Variants in LEPR observed in about 807,000 individuals in gnomAD.
LEPR encodes the protein OB receptor.
A neutral mutation model predicts 114.7 loss-of-function variants in LEPR; 56 were observed. The observed-to-expected ratio is 0.49, with a 90% CI of 0.39 to 0.61. The LOEUF (loss-of-function observed/expected upper bound fraction) is 0.61, where lower values mean the gene tolerates loss of function less well. Ranked by LOEUF, LEPR falls within the 20% of genes least tolerant of loss-of-function variation. LEPR has a pLI of 0.00. For missense variants in LEPR, 1,202 were observed against 1,352.9 expected, an observed-to-expected ratio of 0.89 and a Z score of 1.75; for synonymous variants, 443 against 461.4, an observed-to-expected ratio of 0.96 and a Z score of 0.51.
At chr1:65,607,677 C>T (rs1258709175) in intron 11 of LEPR, among the ~76,000 whole-genome samples, 4 of 152,284 alleles carry the variant, frequency 2.6e-5, no homozygotes, top group Non-Finnish European at 1.5e-5. Flanking sequence ...GCTTCAGAGA[C>T]GCACTGTTAT....
At chr1:65,620,607 C>T (rs1344510867) in intron 17 of LEPR, among the ~76,000 whole-genome samples, 1 of 152,060 alleles carries the variant, frequency 6.6e-6, no homozygotes, top group Non-Finnish European at 1.5e-5. Context: ...TAGTTGATAG[C>T]CAGAAATGGT....
At chr1:65,458,031 G>C (rs575305649) in intron 2 of LEPR, among the ~76,000 whole-genome samples, 1 of 152,306 alleles carries the variant, frequency 6.6e-6, no homozygotes, top group African/African-American at 2.4e-5. Context: ...TACATGGCAA[G>C]CAATTTGAAA....
At chr1:65,614,538 T>C (rs1015931177) in intron 14 of LEPR, among the ~76,000 whole-genome samples, 15 of 152,080 alleles carry the variant, frequency 9.9e-5, no homozygotes, top group Non-Finnish European at 1.5e-4. Flanking sequence ...GTTGATACAG[T>C]TCTCACAGGG....
In LEPR at chr1:65,570,919, T is replaced by G; in HGVS notation, c.370+117T>G. The G allele has an allele frequency of 4.7e-6, 4 of 857,274 alleles. No individual in the cohort carries two copies. The East Asian group carries it at 9.0e-5, about 19-fold the overall frequency. 53.1% of individuals were successfully genotyped at this position (857,274 alleles called of 1,614,324 possible). ...ACATACATAATCATTTTTATATGGA[T>G]AATAAAATTAGGATTCATTATGTGA... On this transcript the variant is annotated intron_variant, in intron 4 of 19. Coordinates refer to ENST00000349533, the MANE Select transcript of LEPR (RefSeq NM_002303.6).
intron 2 of LEPR, among the ~76,000 whole-genome samples, chr1:65,470,230 CT>C (rs1193667966): frequency 6.6e-6 from 1 of 152,178 alleles, no homozygotes; most frequent in Non-Finnish European, 1.5e-5. Context: ...CCAAGAGGGG[CT>C]GAAATAACTA....
intron 5 of LEPR, 69 bp from the exon 6 acceptor site, chr1:65,592,588 T>A (rs1655781750): frequency 9.0e-6 from 14 of 1,548,302 alleles, no homozygotes; most frequent in Admixed American, 1.7e-5. Context: ...GTATTTAGTA[T>A]CCTGCTTTAA....
chr1:65,488,287 CCTCTCT>C (rs144052026), intron 2 of LEPR, among the ~76,000 whole-genome samples: 1 of 126,606 alleles, frequency 7.9e-6, no homozygotes, highest in African/African-American at 3.2e-5. Context: ...TCTTTCCCTC[CCTCTCT>C]CTCTCTCTCT....
chr1:65,455,564 G>A (rs1392946973), intron 2 of LEPR, among the ~76,000 whole-genome samples: 2 of 152,070 alleles, frequency 1.3e-5, no homozygotes, highest in Admixed American at 6.6e-5. Context: ...GTCTGCCCCT[G>A]CTGGGGGGTG....
chr1:65,564,136 G>A (rs1256744864), intron 2 of LEPR, among the ~76,000 whole-genome samples: 3 of 147,894 alleles, frequency 2.0e-5, no homozygotes, highest in East Asian at 1.9e-4. Flanking sequence ...GCAATGGTGG[G>A]CGCCCCTCCC....
At chr1:65,518,921 C>CTT (rs931542711) in intron 2 of LEPR, among the ~76,000 whole-genome samples, 15 of 97,208 alleles carry the variant, frequency 1.5e-4, no homozygotes, top group African/African-American at 6.2e-4. Context: ...TTCTTTCTCT[C>CTT]TTTCTCTGTT....
intron 5 of LEPR, among the ~76,000 whole-genome samples, chr1:65,581,356 C>A (rs960826987): frequency 2.6e-5 from 4 of 152,180 alleles, no homozygotes; most frequent in African/African-American, 7.2e-5. Context: ...GCCTGAGTAA[C>A]CCTCTCTTCT....
chr1:65,547,888 A>G (rs1379540640), intron 2 of LEPR, among the ~76,000 whole-genome samples: 1 of 134,252 alleles, frequency 7.4e-6, no homozygotes. Flanking sequence ...TAGTTCTTTT[A>G]ATTGTGATGT....
At position 65,592,879 on chromosome 1, in the gene LEPR, TA is replaced by T. The variant is rs750570312; in HGVS notation, c.703+18del. The T allele has an allele frequency of 4.3e-6, 7 of 1,611,890 alleles. No homozygotes were observed. In the African/African-American group the frequency reaches 8.0e-5, roughly 18 times the overall value. On this transcript the variant is annotated intron_variant, in intron 6 of 19. Transcript: ENST00000349533. ...CCATAAATATGGGTAAGTTATGCAC[TA>T]AAATGATGATAATAGGTCTAAACAT...
At position 65,617,513 on chromosome 1, in the gene LEPR, C is replaced by T. The variant is rs569631124; in HGVS notation, c.2213-451C>T. On this transcript the variant is annotated intron_variant, in intron 15 of 19. Transcript: ENST00000349533. Reference sequence around the variant, plus strand: ...GGAAATCATGGAAGGCAGAGAGGTGCGTTGAGACTTGGCCCTCAGGGCCTT... The same window carrying T: ...GGAAATCATGGAAGGCAGAGAGGTGTGTTGAGACTTGGCCCTCAGGGCCTT... 1.1e-4 allele frequency among the ~76,000 whole-genome samples: 17 copies of T among 152,328 alleles called. No individual in the cohort carries two copies. In the South Asian group the frequency reaches 2.3e-3, roughly 20 times the overall value.
chr1:65,572,597 T>C, intron 5 of LEPR, 148 bp downstream of exon 5: 1 of 872,294 alleles, frequency 1.1e-6, no homozygotes, highest in East Asian at 2.9e-5. Context: ...CTCTGTTAGG[T>C]TTCCTCTTTT....
At chr1:65,501,666 C>T (rs1183212416) in intron 2 of LEPR, among the ~76,000 whole-genome samples, 1 of 151,960 alleles carries the variant, frequency 6.6e-6, no homozygotes, top group Admixed American at 6.6e-5. Context: ...CCATTTCTTG[C>T]CTCTCCCTTA....
intron 2 of LEPR, among the ~76,000 whole-genome samples, chr1:65,481,450 A>C (rs1047530077): frequency 1.3e-5 from 2 of 152,150 alleles, no homozygotes; most frequent in African/African-American, 4.8e-5. Context: ...TTACTACCAC[A>C]TTCCTAGTAG....
intron 2 of LEPR, among the ~76,000 whole-genome samples, chr1:65,491,048 T>C (rs996893094): frequency 6.6e-6 from 1 of 152,122 alleles, no homozygotes; most frequent in Non-Finnish European, 1.5e-5. Context: ...ATTGAATGGA[T>C]CTTGGATTGG....
In LEPR at chr1:65,598,659, G is replaced by A. The variant is rs1286650704; in HGVS notation, c.850-1G>A. 1.2e-6 allele frequency: 2 copies of A among 1,612,838 alleles called. No homozygotes were observed. Among genetic ancestry groups the A allele is most frequent in the Non-Finnish European group, 1.7e-6 (2 of 1,179,512 alleles). On this transcript the variant is annotated splice_acceptor_variant, in intron 7 of 19. Coordinates refer to ENST00000349533, the MANE Select transcript of LEPR (RefSeq NM_002303.6). LOFTEE classifies it high-confidence loss of function. ...TGATGTTTTAATATAATATTTAACA[G>A]GCTGACAAGATTGTCTCAGCTACAT... is the stretch of plus-strand genomic sequence containing the variant.
Sources: gnomAD v4.1 joint callset for allele counts (sites outside exome capture counted in the v4.1 genomes callset) on GRCh38, gnomAD v4.1.1 for gene constraint, MANE v1.5 for transcripts, NCBI Gene and HGNC (gene_info 2026-07-23, HGNC 2026-07-21) for gene names.